The following KCNH5 variants were observed in gnomAD, a reference collection of about 807,000 sequenced individuals.
KCNH5 encodes the protein voltage-gated delayed rectifier potassium channel KCNH5.
In KCNH5, 46 loss-of-function variants were observed where a neutral mutation model predicts 96.1. That is an observed-to-expected ratio of 0.48 (90% confidence interval 0.38 to 0.61). KCNH5 has a LOEUF of 0.61. KCNH5 is among the 20% of genes least tolerant of loss of function. The pLI, the probability that KCNH5 is intolerant of heterozygous loss-of-function variation, is 0.00. For synonymous variants in KCNH5, 439 were observed against 449.8 expected (o/e 0.98, Z 0.30); for missense variants, 907 against 1,225.8 (o/e 0.74, Z 3.88).
intron 8 of KCNH5, among the ~76,000 whole-genome samples, chr14:62,823,647 C>T (rs928800095): frequency 1.3e-5 from 2 of 152,196 alleles, no homozygotes; most frequent in African/African-American, 4.8e-5. Context: ...ATAAACACTT[C>T]AGATTATTCT....
chr14:62,893,899 G>A (rs6420893), intron 7 of KCNH5, among the ~76,000 whole-genome samples: 110,040 of 152,110 alleles, frequency 0.72, 40,809 homozygotes, highest in East Asian at 0.99. Flanking sequence ...GCATGCAAAC[G>A]TTTTATTTTA....
At chr14:62,797,982 G>A (rs928859426) in intron 9 of KCNH5, among the ~76,000 whole-genome samples, 7 of 152,160 alleles carry the variant, frequency 4.6e-5, no homozygotes, top group African/African-American at 1.7e-4. Context: ...CTCCCAAAGT[G>A]CTAGGATTAC....
intron 7 of KCNH5, among the ~76,000 whole-genome samples, chr14:62,870,235 G>A (rs12588586): frequency 0.14 from 21,398 of 152,090 alleles, 1,758 homozygotes; most frequent in East Asian, 0.28. Flanking sequence ...ACACATACAT[G>A]GAAACACTTC....
chr14:62,980,863 A>C lies in KCNH5; in HGVS notation c.942+9T>G, dbSNP rs752145479. 6.2e-7 allele frequency: 1 copy of C among 1,612,042 alleles called. No individual in the cohort carries two copies. The highest frequency in any genetic ancestry group is 2.2e-5 in the East Asian group (1 of 44,862). Reference sequence around the variant, plus strand: ...CACAGTACTCAGAAAACCAAAACGAAAAACTTACCTCATCCACATTTTCAA... The same window carrying C: ...CACAGTACTCAGAAAACCAAAACGACAAACTTACCTCATCCACATTTTCAA... On this transcript the variant is annotated intron_variant, in intron 6 of 10. Transcript: ENST00000322893.
intron 6 of KCNH5, among the ~76,000 whole-genome samples, chr14:62,968,142 A>C (rs1890337578): frequency 6.6e-6 from 1 of 152,180 alleles, no homozygotes; most frequent in African/African-American, 2.4e-5. Context: ...CCATGATAAC[A>C]TTCTCTACCA....
intron 2 of KCNH5, among the ~76,000 whole-genome samples, chr14:63,007,341 A>T (rs573329823): frequency 1.3e-5 from 2 of 152,328 alleles, no homozygotes; most frequent in South Asian, 4.1e-4. Context: ...AAGGAGGATG[A>T]CAATTTTCGA....
chr14:63,011,315 C>T (rs1404817750), intron 2 of KCNH5, among the ~76,000 whole-genome samples: 1 of 151,938 alleles, frequency 6.6e-6, no homozygotes, highest in Non-Finnish European at 1.5e-5. Flanking sequence ...CCCATCTACA[C>T]TAAAAATACA....
At chr14:62,742,624 T>C (rs1478331467) in intron 10 of KCNH5, among the ~76,000 whole-genome samples, 2 of 152,222 alleles carry the variant, frequency 1.3e-5, no homozygotes, top group Non-Finnish European at 2.9e-5. Flanking sequence ...AACCATCGCT[T>C]TAAACACGTC....
intron 9 of KCNH5, among the ~76,000 whole-genome samples, chr14:62,793,708 A>G (rs762991772): frequency 3.3e-5 from 5 of 151,756 alleles, no homozygotes; most frequent in Non-Finnish European, 4.4e-5. Flanking sequence ...CTTTTGTTCA[A>G]AAGTTGAAAC....
intron 10 of KCNH5, among the ~76,000 whole-genome samples, chr14:62,737,177 G>C (rs67701746): frequency 0.079 from 12,058 of 152,074 alleles, 741 homozygotes; most frequent in East Asian, 0.29. Flanking sequence ...TCTTCAAATA[G>C]ATTATACATT....
intron 4 of KCNH5, among the ~76,000 whole-genome samples, chr14:62,991,401 G>C (rs1248382894): frequency 6.6e-6 from 1 of 151,712 alleles, no homozygotes; most frequent in East Asian, 1.9e-4. Context: ...GGGAACTGCT[G>C]GCAGAAAAAA....
At chr14:62,710,489 C>G (rs1251564514) in intron 10 of KCNH5, among the ~76,000 whole-genome samples, 1 of 152,228 alleles carries the variant, frequency 6.6e-6, no homozygotes, top group Non-Finnish European at 1.5e-5. Context: ...TAGAACCAGA[C>G]AGACCCAGAC....
chr14:62,817,118 ATATT>A (rs1334107037), intron 8 of KCNH5, among the ~76,000 whole-genome samples: 3 of 138,972 alleles, frequency 2.2e-5, no homozygotes, highest in East Asian at 4.0e-4. Context: ...ATGACATAAT[ATATT>A]TATTATAATA....
chr14:62,973,447 G>C (rs993684825), intron 6 of KCNH5, among the ~76,000 whole-genome samples: 1 of 152,188 alleles, frequency 6.6e-6, no homozygotes, highest in African/African-American at 2.4e-5. Flanking sequence ...CTGCCCTCAT[G>C]CATGGATTAA....
chr14:62,794,396 T>C (rs1886496858), intron 9 of KCNH5, among the ~76,000 whole-genome samples: 1 of 151,966 alleles, frequency 6.6e-6, no homozygotes, highest in Non-Finnish European at 1.5e-5. Context: ...TCATTTTTTT[T>C]TTTTGTAATT....
At chr14:63,012,609 C>T (rs547940096) in intron 2 of KCNH5, among the ~76,000 whole-genome samples, 36 of 152,070 alleles carry the variant, frequency 2.4e-4, no homozygotes, top group Admixed American at 6.6e-4. Context: ...ATGTGTAGGA[C>T]GATTCTTATT....
At chr14:62,851,762 T>A (rs1484142136) in intron 7 of KCNH5, among the ~76,000 whole-genome samples, 1 of 152,140 alleles carries the variant, frequency 6.6e-6, no homozygotes, top group Non-Finnish European at 1.5e-5. Flanking sequence ...TCAATAAATG[T>A]CACAGAACTA....
intron 9 of KCNH5, among the ~76,000 whole-genome samples, chr14:62,791,630 A>G (rs1301353698): frequency 6.6e-6 from 1 of 151,716 alleles, no homozygotes; most frequent in Non-Finnish European, 1.5e-5. Flanking sequence ...GGCTATATTT[A>G]CATCAGATAA....
intron 7 of KCNH5, among the ~76,000 whole-genome samples, chr14:62,878,204 G>C (rs548159361): frequency 0.018 from 2,555 of 145,936 alleles, 54 homozygotes; most frequent in Non-Finnish European, 0.028. Context: ...GTGGGGATGG[G>C]GGGGGGGGCG....
Sources: allele counts gnomAD v4.1 joint callset (sites outside exome capture counted in the v4.1 genomes callset), GRCh38; gene constraint gnomAD v4.1.1; transcripts MANE v1.5; gene names NCBI Gene and HGNC (gene_info 2026-07-23, HGNC 2026-07-21).